Variants in SYT6 observed in about 807,000 individuals in gnomAD.
The protein encoded by SYT6 is synaptotagmin 6.
Under a neutral mutation model 38.4 loss-of-function variants are expected in SYT6, and 24 were observed. The ratio of observed to expected loss-of-function variants is 0.62; its 90% CI spans 0.45 to 0.88. The LOEUF (loss-of-function observed/expected upper bound fraction) is 0.88. Ranked by LOEUF, SYT6 falls within the 40% of genes least tolerant of loss-of-function variation. The pLI, the probability that SYT6 is intolerant of heterozygous loss-of-function variation, is 0.00. For synonymous variants in SYT6, 265 were observed against 241.9 expected (o/e 1.10, Z -0.89); for missense variants, 611 against 621.0 (o/e 0.98, Z 0.17).
intron 7 of SYT6, 83 bp downstream of exon 7, chr1:114,093,652 T>G: frequency 7.6e-7 from 1 of 1,323,488 alleles, no homozygotes; most frequent in Admixed American, 2.0e-5. Context: ...TGCTGCTATC[T>G]CAGCATCTGG....
chr1:114,104,971 T>C (rs1017179897), intron 3 of SYT6, among the ~76,000 whole-genome samples: 2 of 152,142 alleles, frequency 1.3e-5, no homozygotes, highest in Admixed American at 1.3e-4. Flanking sequence ...AGTTAGCTTT[T>C]CAAACCTTGC....
At chr1:114,097,614 C>T in intron 6 of SYT6, 113 bp downstream of exon 6, 1 of 1,307,220 alleles carries the variant, frequency 7.6e-7, no homozygotes, top group Non-Finnish European at 1.1e-6. Context: ...AAGCATGTGG[C>T]CCTCATGCCC....
intron 1 of SYT6, among the ~76,000 whole-genome samples, chr1:114,141,966 G>T (rs1471560333): frequency 1.3e-5 from 2 of 152,196 alleles, no homozygotes; most frequent in South Asian, 2.1e-4. Context: ...CAGAAGAAAT[G>T]ATTCCTTTCA....
Position 114,144,113 on chromosome 1 carries a change from C to T in SYT6, c.164-4150G>A, listed in dbSNP as rs115651047. Among the ~76,000 whole-genome samples the T allele has an allele frequency of 4.5e-3, 685 of 152,292 alleles. 12 individuals carry two copies. The highest frequency in any genetic ancestry group is 0.014 in the African/African-American group (585 of 41,558). ...AAACGTTAAGAAATTCCATCATCAT[C>T]GTCACCCCAGACTTCTGAATTCACT... On this transcript the variant is annotated intron_variant, in intron 1 of 7. Transcript: ENST00000610222.
At chr1:114,094,956 ACATG>A (rs1018777906) in intron 6 of SYT6, among the ~76,000 whole-genome samples, 8 of 152,344 alleles carry the variant, frequency 5.3e-5, no homozygotes, top group African/African-American at 1.7e-4. Flanking sequence ...GTGGGGGTTT[ACATG>A]CATTTTAATA....
chr1:114,125,211 C>G (rs866372920), intron 3 of SYT6, among the ~76,000 whole-genome samples: 9 of 152,214 alleles, frequency 5.9e-5, no homozygotes, highest in Admixed American at 2.0e-4. Flanking sequence ...TCCAGACGAT[C>G]AGCAGGGTAG....
intron 7 of SYT6, 95 bp downstream of exon 7, chr1:114,093,640 C>T (rs1675449729): frequency 8.3e-7 from 1 of 1,204,302 alleles, no homozygotes; most frequent in East Asian, 2.4e-5. Context: ...TCCACTCCAT[C>T]CTGCTGCTAT....
chr1:114,092,358 G>A (rs752026801), intron 7 of SYT6, among the ~76,000 whole-genome samples: 1 of 152,008 alleles, frequency 6.6e-6, no homozygotes. Context: ...GTGTGTGTGT[G>A]TGTGTGTGTG....
intron 6 of SYT6, among the ~76,000 whole-genome samples, chr1:114,095,644 G>A (rs1675587981): frequency 6.7e-6 from 1 of 150,072 alleles, no homozygotes; most frequent in Admixed American, 6.7e-5. Flanking sequence ...AAAGACCAGA[G>A]TGGGGCAGTG....
intron 3 of SYT6, among the ~76,000 whole-genome samples, chr1:114,136,534 G>C (rs1336617896): frequency 6.6e-6 from 1 of 152,158 alleles, no homozygotes; most frequent in African/African-American, 2.4e-5. Context: ...TGGAGCGAAG[G>C]GCTATGCCAG....
chr1:114,124,463 G>A (rs1677608346), intron 3 of SYT6, among the ~76,000 whole-genome samples: 1 of 152,174 alleles, frequency 6.6e-6, no homozygotes, highest in South Asian at 2.1e-4. Flanking sequence ...GAAGGGAGAG[G>A]GAAGACGATA....
intron 4 of SYT6, among the ~76,000 whole-genome samples, chr1:114,100,842 A>G (rs76724857): frequency 3.3e-5 from 5 of 152,258 alleles, no homozygotes; most frequent in African/African-American, 4.8e-5. Context: ...CAAAATCCAT[A>G]AGGATGTACC....
intron 1 of SYT6, among the ~76,000 whole-genome samples, chr1:114,151,894 C>T (rs1177128446): frequency 6.6e-6 from 1 of 152,150 alleles, no homozygotes; most frequent in Non-Finnish European, 1.5e-5. Context: ...TCAACTTCCC[C>T]AACCTCCATC....
At chr1:114,149,826 C>T (rs1000206540) in intron 1 of SYT6, among the ~76,000 whole-genome samples, 5 of 151,766 alleles carry the variant, frequency 3.3e-5, no homozygotes, top group Non-Finnish European at 7.4e-5. Flanking sequence ...CCTGGGTCCT[C>T]GGGGAGCAAG....
Position 114,137,947 on chromosome 1 carries a change from T to A in SYT6, c.619A>T (p.Ile207Phe). The change falls in exon 3 of 8, where the codon ATC (isoleucine) becomes TTC (phenylalanine). Residue 207 changes from isoleucine to phenylalanine, a missense_variant. Coordinates refer to ENST00000610222, the MANE Select transcript of SYT6 (RefSeq NM_001253772.2). Reference protein sequence around the residue: ...AAEQPTSIGRIKPELYKQKSV... With the variant: ...AAEQPTSIGRFKPELYKQKSV... Reference sequence around the variant, plus strand: ...TTCTGCTTGTAGAGCTCAGGCTTGATGCGGCCAATGCTGGTGGGCTGCTCT... The same window carrying A: ...TTCTGCTTGTAGAGCTCAGGCTTGAAGCGGCCAATGCTGGTGGGCTGCTCT... The A allele has an allele frequency of 6.2e-7, 1 of 1,614,062 alleles. No homozygotes were observed. Among genetic ancestry groups the A allele is most frequent in the Non-Finnish European group, 8.5e-7 (1 of 1,180,016 alleles).
Position 114,097,736 on chromosome 1 carries a change from G to A in SYT6, c.1506C>T (p.Ser502=). The part of the protein sequence containing the change: ...HWHSLVEVKK[S]FKEGNPRL Reference sequence around the variant, plus strand: ...AGGTGACCTCACCCACCTCTTTGAAGGATTTCTTTACCTCCACCAAGGAGT... The same window carrying A: ...AGGTGACCTCACCCACCTCTTTGAAAGATTTCTTTACCTCCACCAAGGAGT... The change falls in exon 6 of 8, where the codon TCC becomes TCT. Residue 502 remains serine (S), a synonymous_variant. Transcript: ENST00000610222. 6.2e-7 allele frequency: 1 copy of A among 1,614,112 alleles called. No homozygotes were observed. Among genetic ancestry groups the A allele is most frequent in the Admixed American group, 1.7e-5 (1 of 60,020 alleles).
At chr1:114,104,245 C>T (rs938885202) in intron 3 of SYT6, among the ~76,000 whole-genome samples, 10 of 152,240 alleles carry the variant, frequency 6.6e-5, no homozygotes, top group Non-Finnish European at 1.0e-4. Flanking sequence ...CTTTGTCAAT[C>T]ACAGCCAACC....
chr1:114,109,940 G>A (rs1676573317), intron 3 of SYT6, among the ~76,000 whole-genome samples: 1 of 152,226 alleles, frequency 6.6e-6, no homozygotes, highest in South Asian at 2.1e-4. Context: ...AGTGCCTAAA[G>A]ACACAGAAGG....
chr1:114,138,181 C>A (rs926774612), intron 2 of SYT6, 128 bp from the exon 3 acceptor site: 9 of 873,810 alleles, frequency 1.0e-5, no homozygotes, highest in Non-Finnish European at 1.4e-5. Context: ...CCTTCCTCTT[C>A]TTGACCCCAC....
Sources: allele counts gnomAD v4.1 joint callset (sites outside exome capture counted in the v4.1 genomes callset), GRCh38; gene constraint gnomAD v4.1.1; transcripts MANE v1.5; gene names NCBI Gene and HGNC (gene_info 2026-07-23, HGNC 2026-07-21).